Variants in ACO2 observed in about 807,000 individuals in gnomAD.
The protein encoded by ACO2 is aconitate hydratase, mitochondrial.
A neutral mutation model predicts 84.5 loss-of-function variants in ACO2; 31 were observed. The observed-to-expected ratio is 0.37, with a 90% CI of 0.28 to 0.50. The LOEUF is 0.50. ACO2 is among the 20% of genes least tolerant of loss of function. ACO2 has a pLI of 0.97. For synonymous variants in ACO2, 414 were observed against 412.7 expected (o/e 1.00, Z -0.04); for missense variants, 685 against 1,029.3 (o/e 0.67, Z 4.58).
intron 1 of ACO2, among the ~76,000 whole-genome samples, chr22:41,481,515 G>A (rs920421061): frequency 3.9e-5 from 6 of 152,216 alleles, no homozygotes; most frequent in Non-Finnish European, 5.9e-5. Context: ...AGGTCAGTCC[G>A]TTTCGATTGT....
At chr22:41,527,847 G>A (rs2066635730) in intron 16 of ACO2, 54 bp from the exon 17 acceptor site, 3 of 1,613,158 alleles carry the variant, frequency 1.9e-6, no homozygotes, top group Non-Finnish European at 2.5e-6. Context: ...TTCAGAAAAT[G>A]AAGCTCTCCA....
intron 17 of ACO2, 129 bp from the exon 18 acceptor site, chr22:41,528,350 T>C: frequency 7.5e-7 from 1 of 1,341,830 alleles, no homozygotes; most frequent in South Asian, 1.4e-5. Flanking sequence ...AGGCACAGAC[T>C]GGCCTAGGAT....
intron 3 of ACO2, among the ~76,000 whole-genome samples, chr22:41,508,519 T>G (rs1373267543): frequency 6.6e-6 from 1 of 152,244 alleles, no homozygotes; most frequent in African/African-American, 2.4e-5. Flanking sequence ...GGCATCATAC[T>G]TGAGTTCTGT....
rs767626111 is a variant in ACO2, at chr22:41,517,507, G to C, written c.836-20G>C. On this transcript the variant is annotated intron_variant, in intron 6 of 17. Coordinates refer to ENST00000216254, the MANE Select transcript of ACO2 (RefSeq NM_001098.3). ...CTGGCCCGGCCACCAGCCAATGCCC[G>C]GGGCTCTGTTGCTCCACAGGCATGG... 2.5e-6 allele frequency: 4 copies of C among 1,610,390 alleles called. No homozygotes were observed. The highest frequency in any genetic ancestry group is 3.4e-6 in the Non-Finnish European group (4 of 1,177,648).
chr22:41,493,393 G>C (rs878872887), intron 1 of ACO2, among the ~76,000 whole-genome samples: 1 of 152,104 alleles, frequency 6.6e-6, no homozygotes, highest in African/African-American at 2.4e-5. Flanking sequence ...ATGTTGATAT[G>C]GCCCCCTCTT....
intron 4 of ACO2, among the ~76,000 whole-genome samples, chr22:41,512,813 T>G (rs1443375438): frequency 2.0e-5 from 3 of 152,132 alleles, no homozygotes; most frequent in Non-Finnish European, 4.4e-5. Context: ...GGTGCTTCCC[T>G]TTCTTCCAAG....
At chr22:41,514,354 G>T (rs1264102130) in intron 4 of ACO2, among the ~76,000 whole-genome samples, 2 of 152,212 alleles carry the variant, frequency 1.3e-5, no homozygotes, top group Non-Finnish European at 2.9e-5. Flanking sequence ...TAAAAATGTT[G>T]CTTCCCGCAG....
At position 41,515,704 on chromosome 22, in the gene ACO2, T is replaced by G; in HGVS notation, c.685-63T>G. ...AATGTGAATGGCAGCAGGGCCATCC[T>G]GACTTCGTGGCTGGCACAGGCACAC... On this transcript the variant is annotated intron_variant, in intron 5 of 17. Transcript: ENST00000216254. This position sits in a 1 kb window ranked among gnomAD's most constrained non-coding sequence, Gnocchi z 5.8. 1.9e-6 allele frequency: 3 copies of G among 1,609,702 alleles called. No homozygotes were observed. Among genetic ancestry groups the G allele is most frequent in the Non-Finnish European group, 1.7e-6 (2 of 1,177,932 alleles).
intron 1 of ACO2, among the ~76,000 whole-genome samples, chr22:41,491,469 G>A (rs773504161): frequency 5.3e-5 from 8 of 152,198 alleles, no homozygotes; most frequent in Non-Finnish European, 7.3e-5. Flanking sequence ...TAACCAAGGA[G>A]GAACAGTGCA....
At chr22:41,516,206 C>T (rs1175303647) in intron 6 of ACO2, 3 of 602,468 alleles carry the variant, frequency 5.0e-6, no homozygotes, top group Non-Finnish European at 8.8e-6. Flanking sequence ...CTGCTGGGCC[C>T]AGGCCATAGC....
chr22:41,527,616 C>T (rs2066629668), intron 16 of ACO2, 196 bp downstream of exon 16: 4 of 861,210 alleles, frequency 4.6e-6, no homozygotes, highest in East Asian at 2.7e-5. Context: ...GCAGGCCCTG[C>T]TTCCAGGCTT....
Position 41,527,273 on chromosome 22 carries a change from C to A in ACO2, c.1954-15C>A, listed in dbSNP as rs756925213. On this transcript the variant is annotated splice_polypyrimidine_tract_variant and intron_variant, in intron 15 of 17. Transcript: ENST00000216254. ...CCTCCTCTGCCTTATAACCTTACCC[C>A]CGCTTGCCTGACAGAAACATGGCAT... 12 of 1,614,164 alleles carry A rather than the reference C, an allele frequency of 7.4e-6. No homozygotes were observed. The South Asian group carries it at 1.2e-4, about 16-fold the overall frequency.
At chr22:41,510,645 A>ACT (rs1330731241) in intron 3 of ACO2, among the ~76,000 whole-genome samples, 3 of 152,166 alleles carry the variant, frequency 2.0e-5, no homozygotes, top group Non-Finnish European at 4.4e-5. Context: ...GAGACTCAGT[A>ACT]GAGTCCACTA....
chr22:41,518,388 T>C (rs2066492558), intron 7 of ACO2, 93 bp from the exon 8 acceptor site: 5 of 932,838 alleles, frequency 5.4e-6, no homozygotes, highest in Non-Finnish European at 8.6e-6. Flanking sequence ...AGGGTGGGCC[T>C]GGTGTTTGGC....
intron 1 of ACO2, among the ~76,000 whole-genome samples, chr22:41,484,870 T>A (rs953721083): frequency 3.4e-5 from 5 of 148,700 alleles, no homozygotes; most frequent in Non-Finnish European, 7.4e-5. Flanking sequence ...TGGAGTCAGC[T>A]CTTTTTTTTT....
At position 41,515,942 on chromosome 22, in the gene ACO2, G is replaced by A. The variant is rs766802469; in HGVS notation, c.835+25G>A. 1.2e-5 allele frequency: 19 copies of A among 1,607,110 alleles called. No homozygotes were observed. Among genetic ancestry groups the A allele is most frequent in the Non-Finnish European group, 1.6e-5 (19 of 1,176,612 alleles). On this transcript the variant is annotated intron_variant, in intron 6 of 17. Coordinates refer to ENST00000216254, the MANE Select transcript of ACO2 (RefSeq NM_001098.3). The surrounding 1 kb of genome is among the most constrained non-coding windows in gnomAD (Gnocchi z 5.8). ...GGTGAGGAAGGCGGCCAGGCGACGT[G>A]GCCCCTACCCTGTGCTGGGCCTGAT...
chr22:41,522,995 C>A lies in ACO2; in HGVS notation c.1296+8C>A, dbSNP rs1352769408. 1 of 1,613,740 alleles carries A rather than the reference C, an allele frequency of 6.2e-7. No individual in the cohort carries two copies. ...ATTGAGCGGGACGGCTATGTGAGTG[C>A]CCATATCCCCCTGCCCATCTCCCCC... On this transcript the variant is annotated splice_region_variant and intron_variant, in intron 10 of 17. Coordinates refer to ENST00000216254, the MANE Select transcript of ACO2 (RefSeq NM_001098.3).
At chr22:41,500,267 A>G (rs2066344252) in intron 2 of ACO2, among the ~76,000 whole-genome samples, 2 of 151,988 alleles carry the variant, frequency 1.3e-5, no homozygotes, top group Admixed American at 6.6e-5. Flanking sequence ...TCTGAGACCC[A>G]GAAGATAAAC....
intron 6 of ACO2, 54 bp from the exon 7 acceptor site, chr22:41,517,473 T>A (rs203320): frequency 6.8e-7 from 1 of 1,466,496 alleles, no homozygotes; most frequent in Non-Finnish European, 9.5e-7. Context: ...GTAGCAGGTG[T>A]GTGGGACCCT....
Sources: allele counts gnomAD v4.1 joint callset (sites outside exome capture counted in the v4.1 genomes callset), GRCh38; gene constraint gnomAD v4.1.1; non-coding constraint Gnocchi (gnomAD v3.1); transcripts MANE v1.5; gene names NCBI Gene and HGNC (gene_info 2026-07-23, HGNC 2026-07-21).